NMBR: variants seen among roughly 807,000 people sequenced by gnomAD.
NMBR encodes the protein neuromedin B receptor.
Under a neutral mutation model 20.5 loss-of-function variants are expected in NMBR, and 16 were observed. The observed-to-expected ratio is 0.78, with a 90% CI of 0.53 to 1.19. The LOEUF (loss-of-function observed/expected upper bound fraction) is 1.19, where lower values mean the gene tolerates loss of function less well. NMBR is among the 50% of genes most tolerant of loss of function. NMBR has a pLI of 0.00. For synonymous variants in NMBR, 212 were observed against 196.6 expected (o/e 1.08, Z -0.65); for missense variants, 582 against 499.1 (o/e 1.17, Z -1.58).
chr6:142,120,463 A>G (rs574418934), intron 1 of NMBR, among the ~76,000 whole-genome samples: 1 of 151,982 alleles, frequency 6.6e-6, no homozygotes, highest in African/African-American at 2.4e-5. Flanking sequence ...TAGAGGTAGA[A>G]GCTAAACAGG....
Position 142,089,207 on chromosome 6 carries a change from A to G in NMBR, c.-549T>C, listed in dbSNP as rs1419987531. The G allele has an allele frequency of 2.6e-5, 4 of 156,730 alleles. No individual in the cohort carries two copies. The highest frequency in any genetic ancestry group is 1.9e-4 in the South Asian group (1 of 5,256). 9.7% of individuals were successfully genotyped at this position (156,730 alleles called of 1,614,324 possible). On this transcript the variant is annotated 5_prime_UTR_variant, in exon 2 of 4. The change abolishes an upstream ATG in the 5' untranslated region. Transcript: ENST00000258042. ...TGGAGGGGAGGTCAGTCCTCCATGC[A>G]TGTGTGTGTGCCCCTATATACATCC...
At chr6:142,137,169 A>C (rs225609) in intron 1 of NMBR, among the ~76,000 whole-genome samples, 4,452 of 152,122 alleles carry the variant, frequency 0.029, 83 homozygotes, top group Middle Eastern at 0.095. Context: ...CTTTTATTTC[A>C]TTGAGCAGTG....
chr6:142,114,364 T>C (rs748915158), intron 1 of NMBR, among the ~76,000 whole-genome samples: 21 of 152,156 alleles, frequency 1.4e-4, no homozygotes, highest in Non-Finnish European at 2.1e-4. Context: ...GGTAATCTAA[T>C]ACTTTTTCAC....
rs772140653 is a variant in NMBR at position 142,120,528 on chromosome 6, T to C, written c.-664+26516A>G. Among the ~76,000 whole-genome samples the C allele has an allele frequency of 1.1e-4, 17 of 151,722 alleles. No homozygotes were observed. In the South Asian group the frequency reaches 1.3e-3, roughly 11 times the overall value. On this transcript the variant is annotated intron_variant, in intron 1 of 3. Transcript: ENST00000258042. Reference sequence around the variant, plus strand: ...ACTTGAGGCTCTGAGTATTGACCTGTTCATGTGTGACAAGAAAACACCCAA... The same window carrying C: ...ACTTGAGGCTCTGAGTATTGACCTGCTCATGTGTGACAAGAAAACACCCAA...
chr6:142,120,793 C>G (rs983810579), intron 1 of NMBR, among the ~76,000 whole-genome samples: 1 of 151,866 alleles, frequency 6.6e-6, no homozygotes, highest in African/African-American at 2.4e-5. Context: ...TAAGTGCATG[C>G]CAGAACAAAT....
chr6:142,085,713 T>C (rs893820300), intron 2 of NMBR, among the ~76,000 whole-genome samples: 4 of 152,160 alleles, frequency 2.6e-5, no homozygotes, highest in Admixed American at 6.5e-5. Flanking sequence ...CATTGGAATA[T>C]GCTTTCTGAA....
intron 2 of NMBR, among the ~76,000 whole-genome samples, chr6:142,079,653 G>T (rs1195009671): frequency 1.3e-5 from 2 of 152,038 alleles, no homozygotes; most frequent in East Asian, 3.9e-4. Context: ...ATCTAGATTG[G>T]TCATACTACA....
intron 1 of NMBR, among the ~76,000 whole-genome samples, chr6:142,108,874 C>T (rs148704601): frequency 2.6e-5 from 4 of 152,332 alleles, no homozygotes; most frequent in Non-Finnish European, 5.9e-5. Flanking sequence ...TGAGACAAGG[C>T]AAGTTCCTTT....
At chr6:142,083,976 A>T (rs1160454563) in intron 2 of NMBR, among the ~76,000 whole-genome samples, 1 of 152,208 alleles carries the variant, frequency 6.6e-6, no homozygotes, top group African/African-American at 2.4e-5. Context: ...CTTGGTGCCA[A>T]TCTCACTACC....
intron 1 of NMBR, among the ~76,000 whole-genome samples, chr6:142,095,738 T>A (rs996561163): frequency 3.9e-5 from 6 of 152,196 alleles, no homozygotes; most frequent in Admixed American, 3.9e-4. Context: ...TATCAGTTCC[T>A]CCTTGTACCT....
At chr6:142,077,515 G>C (rs1329811947) in intron 3 of NMBR, among the ~76,000 whole-genome samples, 1 of 152,200 alleles carries the variant, frequency 6.6e-6, no homozygotes. Context: ...CAAATATTTA[G>C]AGAAAGTCTA....
chr6:142,130,250 G>C (rs944112662), intron 1 of NMBR, among the ~76,000 whole-genome samples: 52 of 152,028 alleles, frequency 3.4e-4, no homozygotes, highest in African/African-American at 1.2e-3. Flanking sequence ...ACCTAGAGAT[G>C]AGTTTGCAGG....
chr6:142,089,452 G>A (rs1211394120), intron 1 of NMBR, among the ~76,000 whole-genome samples, 131 bp from the exon 2 acceptor site: 2 of 151,982 alleles, frequency 1.3e-5, no homozygotes, highest in African/African-American at 2.4e-5. Flanking sequence ...CCTATTGTTG[G>A]CATATTATTT....
chr6:142,081,200 C>T (rs188723930), intron 2 of NMBR, among the ~76,000 whole-genome samples: 1 of 152,188 alleles, frequency 6.6e-6, no homozygotes, highest in East Asian at 1.9e-4. Context: ...GTGGGCCCCA[C>T]TCTCATGACC....
intron 2 of NMBR, among the ~76,000 whole-genome samples, chr6:142,083,203 A>G (rs1460569409): frequency 6.6e-6 from 1 of 152,236 alleles, no homozygotes; most frequent in Admixed American, 6.5e-5. Flanking sequence ...TTTAACAATA[A>G]GCCCCATAAA....
At chr6:142,128,657 T>C (rs1778083475) in intron 1 of NMBR, among the ~76,000 whole-genome samples, 1 of 152,112 alleles carries the variant, frequency 6.6e-6, no homozygotes, top group African/African-American at 2.4e-5. Flanking sequence ...TTTGTTAAGT[T>C]GGTATATCAC....
At chr6:142,107,877 A>G (rs1777688428) in intron 1 of NMBR, among the ~76,000 whole-genome samples, 1 of 149,534 alleles carries the variant, frequency 6.7e-6, no homozygotes, top group African/African-American at 2.5e-5. Flanking sequence ...TCAAAAAAAA[A>G]GTAAAAGTTA....
chr6:142,095,014 A>C (rs7449484), intron 1 of NMBR, among the ~76,000 whole-genome samples: 94,144 of 151,980 alleles, frequency 0.62, 30,533 homozygotes, highest in East Asian at 0.84. Flanking sequence ...TATCCTGAGA[A>C]TTTGCTGGAG....
intron 1 of NMBR, among the ~76,000 whole-genome samples, chr6:142,137,916 T>C (rs1778291175): frequency 6.6e-6 from 1 of 152,090 alleles, no homozygotes; most frequent in South Asian, 2.1e-4. Context: ...AGAAATATAG[T>C]TACCAAATAA....
Sources: allele counts gnomAD v4.1 joint callset (sites outside exome capture counted in the v4.1 genomes callset), GRCh38; gene constraint gnomAD v4.1.1; transcripts MANE v1.5; gene names NCBI Gene and HGNC (gene_info 2026-07-23, HGNC 2026-07-21).